Variants in CEP89 observed in about 807,000 individuals in gnomAD.
CEP89 encodes the protein centrosomal protein of 89 kDa.
A neutral mutation model predicts 97.6 loss-of-function variants in CEP89; 95 were observed. The observed-to-expected ratio is 0.97, with a 90% CI of 0.82 to 1.15. The LOEUF (loss-of-function observed/expected upper bound fraction) is 1.15, where lower values mean the gene tolerates loss of function less well. CEP89 is among the 50% of genes most tolerant of loss of function. CEP89 has a pLI of 0.00. For missense variants in CEP89, 869 were observed against 947.7 expected (o/e 0.92, Z 1.09); for synonymous variants, 354 against 349.1 (o/e 1.01, Z -0.16).
At chr19:32,961,472 G>A (rs796958030) in intron 2 of CEP89, among the ~76,000 whole-genome samples, 21 of 151,350 alleles carry the variant, frequency 1.4e-4, no homozygotes, top group African/African-American at 4.8e-4. Context: ...CCAGCTACTT[G>A]GGAGGCTGAG....
At chr19:32,931,605 A>C (rs998253712) in intron 8 of CEP89, 34 bp from the exon 9 acceptor site, 5 of 1,474,094 alleles carry the variant, frequency 3.4e-6, no homozygotes, top group Admixed American at 4.8e-5. Flanking sequence ...TACTATAAGA[A>C]ATAACATCCA....
chr19:32,889,614 T>C (rs1464351103), intron 16 of CEP89, among the ~76,000 whole-genome samples: 1 of 151,428 alleles, frequency 6.6e-6, no homozygotes, highest in Non-Finnish European at 1.5e-5. Context: ...GAGAGGAGAG[T>C]GTCTGAGGGT....
chr19:32,887,818 C>T lies in CEP89; in HGVS notation c.1899G>A (p.Lys633=). The T allele has an allele frequency of 6.2e-7, 1 of 1,612,342 alleles. No individual in the cohort carries two copies. Among genetic ancestry groups the T allele is most frequent in the Non-Finnish European group, 8.5e-7 (1 of 1,178,584 alleles). The change falls in exon 17 of 19, where the codon AAG becomes AAA. Residue 633 remains lysine, a synonymous_variant. Transcript: ENST00000305768. ...TTATGACTTTATTAAGCACTCCATC[C>T]TTCTCACTTTCTAAACATTTTGCCT... The part of the protein sequence containing the change: ...MCLAKCLESE[K]DGVLNKVIKS...
chr19:32,961,340 G>A (rs1424727005), intron 2 of CEP89, among the ~76,000 whole-genome samples: 1 of 151,662 alleles, frequency 6.6e-6, no homozygotes, highest in East Asian at 1.9e-4. Context: ...GGAGGCTGAG[G>A]AGGGCGGATC....
intron 16 of CEP89, among the ~76,000 whole-genome samples, chr19:32,892,091 A>AAT (rs143314876): frequency 0.05 from 7,011 of 139,038 alleles, 234 homozygotes; most frequent in South Asian, 0.14. Flanking sequence ...CAGAATTCTA[A>AAT]ATATATATAT....
rs748201054 is a variant in CEP89, at chr19:32,918,336, A to G, written c.1272T>C (p.Arg424=). 33 of 1,609,746 alleles carry G rather than the reference A, an allele frequency of 2.1e-5. No individual in the cohort carries two copies. The highest frequency in any genetic ancestry group is 2.7e-5 in the African/African-American group (2 of 74,864). ...CCAGTTTTGCTTGAGTCTGAAGCTG[A>G]CGCCTGCAATTGATTTACAAGATGA... is the stretch of plus-strand genomic sequence containing the variant. The part of the protein sequence containing the change: ...KSSAVTSEEW[R]QLQTQAKLVL... Residue 424 remains arginine (R), a synonymous_variant, in exon 13 of 19, where the codon CGT becomes CGC. Transcript: ENST00000305768.
At chr19:32,882,100 T>C (rs1969296595) in intron 17 of CEP89, 87 bp from the exon 18 acceptor site, 2 of 1,145,330 alleles carry the variant, frequency 1.7e-6, no homozygotes, top group Admixed American at 2.2e-5. Context: ...TACCCACTCC[T>C]TGTGTGTCAG....
At chr19:32,950,343 G>A (rs1458568543) in intron 4 of CEP89, among the ~76,000 whole-genome samples, 5 of 152,148 alleles carry the variant, frequency 3.3e-5, no homozygotes, top group Non-Finnish European at 7.3e-5. Flanking sequence ...CGGATCACCT[G>A]AAGTCGGGAG....
intron 4 of CEP89, among the ~76,000 whole-genome samples, chr19:32,949,573 G>A: frequency 6.6e-6 from 1 of 151,956 alleles, no homozygotes; most frequent in Non-Finnish European, 1.5e-5. Context: ...TTGTAGAGAT[G>A]GGGTCTCAGT....
At position 32,879,171 on chromosome 19, in the gene CEP89, G is replaced by C. The variant is rs1224408961; in HGVS notation, c.2343C>G (p.Pro781=). The C allele has an allele frequency of 2.5e-6, 4 of 1,607,390 alleles. No homozygotes were observed. The highest frequency in any genetic ancestry group is 1.7e-5 in the Admixed American group (1 of 59,332). The change falls in exon 19 of 19, where the codon CCC becomes CCG. Residue 781 remains proline, a synonymous_variant. Coordinates refer to ENST00000305768, the MANE Select transcript of CEP89 (RefSeq NM_032816.5). ...CGGGCTCCCGCAGATTCTAGCAGGT[G>C]GGGGCATGAGACTTCAGGTCATAGG... ...VCSYDLKSHA[P]TC is the part of the protein sequence containing the mutation.
chr19:32,882,163 G>A, intron 17 of CEP89, 150 bp from the exon 18 acceptor site: 1 of 648,916 alleles, frequency 1.5e-6, no homozygotes, highest in Non-Finnish European at 2.6e-6. Context: ...TTGCAAGTCT[G>A]GATCATAAAA....
rs57087165 is a variant in CEP89, at chr19:32,913,288, CAT to C, written c.1565+2047_1565+2048del. Among the ~76,000 whole-genome samples, 203 of 71,562 alleles carry C rather than the reference CAT, an allele frequency of 2.8e-3. 1 individual carries two copies. Among genetic ancestry groups the C allele is most frequent in the African/African-American group, 9.9e-3 (151 of 15,302 alleles). 46.9% of individuals were successfully genotyped at this position (71,562 alleles called of 152,430 possible). A position where few individuals can be genotyped will look rare whatever the true frequency, so the allele number is the denominator to read the frequency against. On this transcript the variant is annotated intron_variant, in intron 14 of 18. Coordinates refer to ENST00000305768, the MANE Select transcript of CEP89 (RefSeq NM_032816.5). ...CTTTTTGACATGAGAAAATAGCCACCATATATATATATATATATTTTTTTGTT... is the reference window on the plus strand; with the variant it reads ...CTTTTTGACATGAGAAAATAGCCACCATATATATATATATATTTTTTTGTT...
At chr19:32,929,404 C>T (rs1242447188) in intron 9 of CEP89, among the ~76,000 whole-genome samples, 1 of 152,022 alleles carries the variant, frequency 6.6e-6, no homozygotes, top group Non-Finnish European at 1.5e-5. Context: ...GAGTTTGAGA[C>T]CAACCTGGCC....
intron 17 of CEP89, among the ~76,000 whole-genome samples, chr19:32,882,811 G>A (rs558589225): frequency 5.3e-5 from 8 of 152,152 alleles, no homozygotes; most frequent in South Asian, 4.1e-4. Flanking sequence ...TCCTTCTTTC[G>A]TTTTTACTGT....
chr19:32,948,279 C>A lies in CEP89; in HGVS notation c.582G>T (p.Arg194=). 1 of 1,593,974 alleles carries A rather than the reference C, an allele frequency of 6.3e-7. No homozygotes were observed. Among genetic ancestry groups the A allele is most frequent in the Non-Finnish European group, 8.6e-7 (1 of 1,167,930 alleles). The stretch of plus-strand genomic sequence containing the variant: ...TTTTTTTTCTACCTTTTTGTTGTGT[C>A]CGCTGTGGTGCAGGAGGGGAGCCTG... ...GFPGSPPAPQ[R]TQQKDGKHPV... is the part of the protein sequence containing the mutation. The change falls in exon 5 of 19, where the codon CGG becomes CGT. Residue 194 remains arginine, a synonymous_variant. Coordinates refer to ENST00000305768, the MANE Select transcript of CEP89 (RefSeq NM_032816.5).
chr19:32,954,725 T>C (rs10425179), intron 3 of CEP89, among the ~76,000 whole-genome samples: 56,054 of 151,018 alleles, frequency 0.37, 10,590 homozygotes, highest in Admixed American at 0.48. Context: ...AGTATAGTAG[T>C]GCAATCTTGG....
At chr19:32,898,830 C>G (rs192161368) in intron 16 of CEP89, among the ~76,000 whole-genome samples, 1 of 146,084 alleles carries the variant, frequency 6.8e-6, no homozygotes, top group South Asian at 2.1e-4. Context: ...TGCAGTGAGC[C>G]GAGATCACGC....
rs1969186642 is a variant in CEP89, at chr19:32,876,894, C to T, written c.*2268G>A. The T allele has an allele frequency of 6.6e-6, 1 of 152,266 alleles. No homozygotes were observed. The highest frequency in any genetic ancestry group is 2.1e-4 in the South Asian group (1 of 4,832). The allele number at this position is 152,266 out of a possible 1,614,324, so 9.4% of individuals were successfully genotyped here. A position where few individuals can be genotyped will look rare whatever the true frequency, so the allele number is the denominator to read the frequency against. On this transcript the variant is annotated 3_prime_UTR_variant, in exon 19 of 19. Transcript: ENST00000305768. ...AGAAACATAAGAACAAAAGTGGACA[C>T]TTCTCAAAAGAATAAAATGTTTGCA...
chr19:32,965,609 C>A (rs1971264380), intron 2 of CEP89, among the ~76,000 whole-genome samples: 1 of 147,684 alleles, frequency 6.8e-6, no homozygotes. Flanking sequence ...GATGGGAGAA[C>A]TGATTGAGCC....
Sources: allele counts gnomAD v4.1 joint callset (sites outside exome capture counted in the v4.1 genomes callset), GRCh38; gene constraint gnomAD v4.1.1; transcripts MANE v1.5; gene names NCBI Gene and HGNC (gene_info 2026-07-23, HGNC 2026-07-21).